IL1RAPL1: variants seen among roughly 807,000 people sequenced by gnomAD.
IL1RAPL1 encodes the protein interleukin-1 receptor accessory protein-like 1.
In IL1RAPL1, 3 loss-of-function variants were observed where a neutral mutation model predicts 48.4. That is an observed-to-expected ratio of 0.06 (90% confidence interval 0.03 to 0.16). IL1RAPL1 has a LOEUF of 0.16. Among genes scored for constraint, IL1RAPL1 ranks in the 10% least tolerant of loss-of-function variants. IL1RAPL1 has a pLI of 1.00. For synonymous variants in IL1RAPL1, 185 were observed against 187.7 expected (o/e 0.99, Z 0.12); for missense variants, 349 against 530.6 (o/e 0.66, Z 3.36).
chrX:29,471,805 T>G (rs762779668), intron 5 of IL1RAPL1, among the ~76,000 whole-genome samples: 6 of 111,763 alleles, frequency 5.4e-5, no homozygotes, highest in Admixed American at 9.5e-5. Context: ...TCATCCAATA[T>G]GTGACTTTTT....
intron 1 of IL1RAPL1, among the ~76,000 whole-genome samples, chrX:28,602,846 T>C (rs996927263): frequency 3.6e-5 from 4 of 111,589 alleles, no homozygotes; most frequent in African/African-American, 1.3e-4. Flanking sequence ...TAAAGCCTCA[T>C]CATGTGGCTT....
intron 2 of IL1RAPL1, among the ~76,000 whole-genome samples, chrX:29,000,399 C>G (rs1021576313): frequency 2.0e-4 from 22 of 111,755 alleles, no homozygotes; most frequent in African/African-American, 7.2e-4. Context: ...TCTTTATTCT[C>G]CATTGCTCTC....
At position 29,732,341 on chromosome X, in the gene IL1RAPL1, G is replaced by A. The variant is rs780397048; in HGVS notation, c.778+63837G>A. On this transcript the variant is annotated intron_variant, in intron 6 of 10. Coordinates refer to ENST00000378993, the MANE Select transcript of IL1RAPL1 (RefSeq NM_014271.4). ...ACGATAGCTAGAACTAGGCAAAATG[G>A]GACAAAGTAATTCATCTGATCATAT... Among the ~76,000 whole-genome samples the A allele has an allele frequency of 8.1e-5, 9 of 111,427 alleles. No homozygotes were observed. The East Asian group carries it at 2.3e-3, about 28-fold the overall frequency.
At chrX:29,810,528 T>G (rs943824577) in intron 6 of IL1RAPL1, among the ~76,000 whole-genome samples, 23 of 111,932 alleles carry the variant, frequency 2.1e-4, no homozygotes, top group Non-Finnish European at 1.7e-4. Flanking sequence ...TTCATTAGTG[T>G]TCATGAATCT....
At chrX:28,907,862 G>T (rs944956173) in intron 2 of IL1RAPL1, among the ~76,000 whole-genome samples, 1 of 111,604 alleles carries the variant, frequency 9.0e-6, no homozygotes, top group Non-Finnish European at 1.9e-5. Context: ...GAAATAATCA[G>T]GTCCTTGTTC....
chrX:29,828,216 C>T (rs1425338555), intron 6 of IL1RAPL1, among the ~76,000 whole-genome samples: 4 of 111,564 alleles, frequency 3.6e-5, no homozygotes, highest in Non-Finnish European at 7.5e-5. Context: ...GGATGGGAAT[C>T]GTAGGCATAG....
At chrX:28,789,453 T>C (rs1936510988) in intron 2 of IL1RAPL1, 28 bp downstream of exon 2, 1 of 1,064,027 alleles carries the variant, frequency 9.4e-7, no homozygotes, top group Admixed American at 2.2e-5. Flanking sequence ...ATTTTTTATG[T>C]GTTTTTATAG....
intron 2 of IL1RAPL1, among the ~76,000 whole-genome samples, chrX:29,085,879 A>G (rs1168707378): frequency 9.0e-6 from 1 of 111,460 alleles, no homozygotes; most frequent in Non-Finnish European, 1.9e-5. Context: ...CATAAGTGAA[A>G]CCTCCAGGTT....
At chrX:29,288,262 G>A (rs915557426) in intron 3 of IL1RAPL1, among the ~76,000 whole-genome samples, 1 of 110,871 alleles carries the variant, frequency 9.0e-6, no homozygotes, top group Non-Finnish European at 1.9e-5. Flanking sequence ...TAGGTATTAA[G>A]TCCAGCATGC....
intron 6 of IL1RAPL1, among the ~76,000 whole-genome samples, chrX:29,729,300 G>A (rs1927858261): frequency 9.0e-6 from 1 of 110,895 alleles, no homozygotes; most frequent in Admixed American, 9.6e-5. Flanking sequence ...ACCCCGACCT[G>A]GTGGCTTAAT....
chrX:29,632,961 T>A (rs760619306), intron 5 of IL1RAPL1, among the ~76,000 whole-genome samples: 1 of 112,123 alleles, frequency 8.9e-6, no homozygotes, highest in East Asian at 2.8e-4. Flanking sequence ...ATATCATTTT[T>A]AAAAACTGTC....
At chrX:29,286,901 G>A (rs751286588) in intron 3 of IL1RAPL1, among the ~76,000 whole-genome samples, 1 of 109,936 alleles carries the variant, frequency 9.1e-6, no homozygotes, top group African/African-American at 3.3e-5. Flanking sequence ...GATAATTGCA[G>A]GTTCATATTC....
intron 1 of IL1RAPL1, among the ~76,000 whole-genome samples, chrX:28,781,071 C>T (rs761256912): frequency 8.2e-5 from 9 of 110,070 alleles, no homozygotes; most frequent in Non-Finnish European, 1.3e-4. Flanking sequence ...TATTATTTAC[C>T]TATTTTTACA....
intron 5 of IL1RAPL1, among the ~76,000 whole-genome samples, chrX:29,477,345 C>T (rs1934989184): frequency 8.9e-6 from 1 of 111,907 alleles, no homozygotes; most frequent in South Asian, 3.7e-4. Context: ...TTAACCATCT[C>T]CTCCAATAGT....
At chrX:28,805,080 C>T (rs1165967064) in intron 2 of IL1RAPL1, among the ~76,000 whole-genome samples, 1 of 110,466 alleles carries the variant, frequency 9.1e-6, no homozygotes, top group African/African-American at 3.3e-5. Context: ...ATAACCTGAC[C>T]AGATAGATTG....
intron 6 of IL1RAPL1, among the ~76,000 whole-genome samples, chrX:29,679,654 A>C (rs906788574): frequency 8.9e-6 from 1 of 112,187 alleles, no homozygotes; most frequent in African/African-American, 3.2e-5. Context: ...TTTAAAAAAA[A>C]CCCTGTCTCT....
intron 1 of IL1RAPL1, among the ~76,000 whole-genome samples, chrX:28,608,909 G>A (rs779991571): frequency 1.3e-4 from 15 of 112,082 alleles, no homozygotes; most frequent in Admixed American, 2.8e-4. Flanking sequence ...AAGATATTTA[G>A]CATGATGCAA....
At chrX:29,055,543 A>G (rs1262506376) in intron 2 of IL1RAPL1, among the ~76,000 whole-genome samples, 2 of 111,828 alleles carry the variant, frequency 1.8e-5, no homozygotes, top group African/African-American at 6.5e-5. Context: ...AAATTATAGT[A>G]TTGAGTGCGC....
intron 2 of IL1RAPL1, among the ~76,000 whole-genome samples, chrX:28,952,019 A>T (rs1273158227): frequency 9.0e-6 from 1 of 110,830 alleles, no homozygotes; most frequent in Admixed American, 9.7e-5. Context: ...GCCGTGGGCA[A>T]GTTACTTATT....
Sources: gnomAD v4.1 joint callset for allele counts (sites outside exome capture counted in the v4.1 genomes callset) on GRCh38, gnomAD v4.1.1 for gene constraint, MANE v1.5 for transcripts, NCBI Gene and HGNC (gene_info 2026-07-23, HGNC 2026-07-21) for gene names.